FSTL5: variants seen among roughly 807,000 people sequenced by gnomAD.
The protein encoded by FSTL5 is follistatin-related protein 5.
FSTL5 carries 62 observed loss-of-function variants against 89.1 expected under a neutral mutation model. The ratio of observed to expected loss-of-function variants is 0.70; its 90% CI spans 0.57 to 0.86. The LOEUF is 0.86. FSTL5 is among the 40% of genes least tolerant of loss of function. The pLI is 0.00. For synonymous variants in FSTL5, 383 were observed against 346.2 expected, an observed-to-expected ratio of 1.11 and a Z score of -1.18; for missense variants, 1,057 against 1,001.6, an observed-to-expected ratio of 1.06 and a Z score of -0.75.
At chr4:161,436,188 T>C (rs539281167) in intron 15 of FSTL5, among the ~76,000 whole-genome samples, 13 of 152,224 alleles carry the variant, frequency 8.5e-5, no homozygotes, top group African/African-American at 2.9e-4. Context: ...ATACTTCCAG[T>C]TGGAGGGGTA....
At chr4:161,585,178 C>T (rs748044402) in intron 8 of FSTL5, among the ~76,000 whole-genome samples, 10 of 152,118 alleles carry the variant, frequency 6.6e-5, no homozygotes, top group Admixed American at 2.6e-4. Context: ...AACATAAAGC[C>T]GGCAGTTTGG....
chr4:161,993,728 G>A (rs1736206048), intron 3 of FSTL5, among the ~76,000 whole-genome samples: 1 of 146,432 alleles, frequency 6.8e-6, no homozygotes, highest in African/African-American at 2.5e-5. Context: ...TAGATTTGGG[G>A]GAGAGGGAAG....
At chr4:161,757,697 C>G (rs1044094196) in intron 6 of FSTL5, among the ~76,000 whole-genome samples, 1 of 152,134 alleles carries the variant, frequency 6.6e-6, no homozygotes, top group African/African-American at 2.4e-5. Context: ...TGGCTCACTT[C>G]AACCTTTGCC....
intron 3 of FSTL5, among the ~76,000 whole-genome samples, chr4:161,931,943 A>T (rs778431548): frequency 4.6e-5 from 7 of 152,006 alleles, no homozygotes; most frequent in Non-Finnish European, 8.8e-5. Flanking sequence ...CAATTGTACC[A>T]GTGTGCCAAG....
intron 3 of FSTL5, among the ~76,000 whole-genome samples, chr4:161,984,941 G>A (rs886987273): frequency 6.6e-6 from 1 of 151,042 alleles, no homozygotes; most frequent in African/African-American, 2.4e-5. Context: ...GCTCTCTCTC[G>A]AACATATTAT....
chr4:161,929,102 T>C (rs752290662), intron 3 of FSTL5, among the ~76,000 whole-genome samples: 5 of 151,314 alleles, frequency 3.3e-5, no homozygotes, highest in Non-Finnish European at 7.4e-5. Flanking sequence ...CTTCCTTCCT[T>C]ACTTCCTTCC....
At chr4:161,853,585 A>C (rs1731629132) in intron 4 of FSTL5, among the ~76,000 whole-genome samples, 2 of 152,002 alleles carry the variant, frequency 1.3e-5, no homozygotes, top group African/African-American at 4.8e-5. Context: ...AAAAAGGAAA[A>C]TCTTAAACTT....
intron 2 of FSTL5, among the ~76,000 whole-genome samples, chr4:162,058,998 C>A (rs1467834097): frequency 1.3e-5 from 2 of 151,916 alleles, no homozygotes; most frequent in South Asian, 2.1e-4. Context: ...CAATTAATTC[C>A]AAATTTTAGA....
At chr4:161,599,794 A>C (rs1734160343) in intron 7 of FSTL5, among the ~76,000 whole-genome samples, 1 of 152,136 alleles carries the variant, frequency 6.6e-6, no homozygotes, top group Non-Finnish European at 1.5e-5. Context: ...CTTTGGAAAT[A>C]AATATCCATT....
intron 4 of FSTL5, among the ~76,000 whole-genome samples, chr4:161,818,185 C>A (rs368615694): frequency 6.6e-6 from 1 of 152,126 alleles, no homozygotes; most frequent in Non-Finnish European, 1.5e-5. Flanking sequence ...CGCAGGCCAC[C>A]CCACCAGTAG....
chr4:161,492,796 T>C (rs540497902), intron 12 of FSTL5, among the ~76,000 whole-genome samples: 76 of 152,110 alleles, frequency 5.0e-4, no homozygotes, highest in Non-Finnish European at 8.4e-4. Flanking sequence ...ATTCTTATTA[T>C]ATAATTCTTT....
At chr4:161,528,102 A>T (rs1055554309) in intron 10 of FSTL5, among the ~76,000 whole-genome samples, 4 of 137,560 alleles carry the variant, frequency 2.9e-5, no homozygotes, top group African/African-American at 1.1e-4. Context: ...CAATGAGAAC[A>T]CATGGACACA....
chr4:162,079,915 C>T (rs545011285), intron 2 of FSTL5, among the ~76,000 whole-genome samples: 25 of 151,388 alleles, frequency 1.7e-4, no homozygotes, highest in South Asian at 6.2e-4. Context: ...GTATACACTT[C>T]AGGAAAACAA....
chr4:161,891,134 G>A (rs1001160734), intron 4 of FSTL5, among the ~76,000 whole-genome samples: 1 of 151,996 alleles, frequency 6.6e-6, no homozygotes, highest in African/African-American at 2.4e-5. Context: ...TGTCAACTAT[G>A]TATCTTGCTG....
Position 161,912,961 on chromosome 4 carries a change from G to T in FSTL5, c.409+7443C>A, listed in dbSNP as rs368314751. On this transcript the variant is annotated intron_variant, in intron 4 of 15. Transcript: ENST00000306100. ...TTAGCAAAGAGACTGGTGGCACTTT[G>T]CCCCTGCCCCAGAAATTTGTGGAAC... 4.6e-5 allele frequency among the ~76,000 whole-genome samples: 7 copies of T among 152,260 alleles called. No homozygotes were observed. The South Asian group carries it at 1.2e-3, about 27-fold the overall frequency.
At chr4:161,827,046 G>C (rs968226488) in intron 4 of FSTL5, among the ~76,000 whole-genome samples, 2 of 152,084 alleles carry the variant, frequency 1.3e-5, no homozygotes, top group Non-Finnish European at 2.9e-5. Flanking sequence ...TCAAGAGTTA[G>C]AGCTCCTTTT....
At chr4:161,619,737 G>A (rs1312776034) in intron 7 of FSTL5, among the ~76,000 whole-genome samples, 2 of 152,052 alleles carry the variant, frequency 1.3e-5, no homozygotes, top group Non-Finnish European at 2.9e-5. Flanking sequence ...TTACACTGTT[G>A]GTGGGACTGT....
chr4:161,758,818 C>A (rs1740674882), intron 6 of FSTL5, among the ~76,000 whole-genome samples: 1 of 152,150 alleles, frequency 6.6e-6, no homozygotes, highest in Non-Finnish European at 1.5e-5. Flanking sequence ...CATTAGCGGC[C>A]TCTTTGAATT....
chr4:161,533,008 TAA>T (rs77562407), intron 10 of FSTL5, among the ~76,000 whole-genome samples: 6 of 151,176 alleles, frequency 4.0e-5, no homozygotes, highest in East Asian at 2.0e-4. Context: ...AACGCAGAAA[TAA>T]AAAAAAATCT....
Sources: gnomAD v4.1 joint callset for allele counts (sites outside exome capture counted in the v4.1 genomes callset) on GRCh38, gnomAD v4.1.1 for gene constraint, MANE v1.5 for transcripts, NCBI Gene and HGNC (gene_info 2026-07-23, HGNC 2026-07-21) for gene names.